The following PODXL variants were observed in gnomAD, a reference collection of about 807,000 sequenced individuals.
PODXL encodes podocalyxin.
Under a neutral mutation model 48.9 loss-of-function variants are expected in PODXL, and 20 were observed. That is an observed-to-expected ratio of 0.41 (90% CI 0.29 to 0.59). PODXL has a LOEUF of 0.59. Among genes scored for constraint, PODXL ranks in the 20% least tolerant of loss-of-function variants. The pLI, the probability that PODXL is intolerant of heterozygous loss-of-function variation, is 0.31. For synonymous variants in PODXL, 295 were observed against 287.4 expected (o/e 1.03, Z -0.27); for missense variants, 606 against 675.1 (o/e 0.90, Z 1.13).
rs1488949518 is a variant in PODXL, at chr7:131,501,510, A to AT, written c.*2800dup. On this transcript the variant is annotated 3_prime_UTR_variant, in exon 9 of 9. Coordinates refer to ENST00000378555, the MANE Select transcript of PODXL (RefSeq NM_001018111.3). ...GGTGCCTAGACTAGATTAAACCCGTATTCTGTCTTACAACGCAAAGAATAT... is the reference window on the plus strand; with the variant it reads ...GGTGCCTAGACTAGATTAAACCCGTATTTCTGTCTTACAACGCAAAGAATAT... 6.6e-6 allele frequency: 1 copy of AT among 152,470 alleles called. No individual in the cohort carries two copies. The highest frequency in any genetic ancestry group is 2.4e-5 in the African/African-American group (1 of 41,456). The allele number at this position is 152,470 out of a possible 1,614,324, so 9.4% of individuals were successfully genotyped here.
rs1322715283 is a variant in PODXL at position 131,509,393 on chromosome 7, G to A, written c.995C>T (p.Ser332Phe). 3 of 1,613,996 alleles carry A rather than the reference G, an allele frequency of 1.9e-6. No homozygotes were observed. The highest frequency in any genetic ancestry group is 4.5e-5 in the East Asian group (2 of 44,896). ...GTTACTCTCATGAGCCACAGTGGGA[G>A]AAGGTGTTTTGGGGTATCGGTGGGT... is the stretch of plus-strand genomic sequence containing the variant. The part of the protein sequence containing the change: ...STTHRYPKTP[S>F]PTVAHESNWA... Residue 332 changes from serine to phenylalanine, a missense_variant, in exon 4 of 9, where the codon TCT becomes TTT. Coordinates refer to ENST00000378555, the MANE Select transcript of PODXL (RefSeq NM_001018111.3).
intron 1 of PODXL, among the ~76,000 whole-genome samples, chr7:131,526,798 C>T (rs956558977): frequency 1.6e-5 from 2 of 125,564 alleles, no homozygotes; most frequent in Non-Finnish European, 3.1e-5. Context: ...TGCAGTGGCG[C>T]GATCTCGGCT....
intron 1 of PODXL, among the ~76,000 whole-genome samples, chr7:131,533,190 A>C (rs1798311938): frequency 6.6e-6 from 1 of 152,112 alleles, no homozygotes; most frequent in African/African-American, 2.4e-5. Flanking sequence ...CACAGACTCC[A>C]GTCATGCTCC....
intron 1 of PODXL, among the ~76,000 whole-genome samples, chr7:131,546,382 G>A (rs1053859703): frequency 1.3e-5 from 2 of 152,176 alleles, no homozygotes; most frequent in Non-Finnish European, 2.9e-5. Context: ...ACCACGTTAT[G>A]GGCTAACCAC....
Position 131,513,260 on chromosome 7 carries a change from C to T in PODXL, c.101-1827G>A, listed in dbSNP as rs1218360617. On this transcript the variant is annotated intron_variant, in intron 1 of 8. Transcript: ENST00000378555. ...ACAGTAATCCAGATGGAATGAACAG[C>T]GTTGGCCACAGGAAGCTATTGACAC... 2.0e-5 allele frequency among the ~76,000 whole-genome samples: 3 copies of T among 152,102 alleles called. No individual in the cohort carries two copies. In the East Asian group the frequency reaches 5.8e-4, roughly 29 times the overall value.
chr7:131,535,354 T>C (rs1370690616), intron 1 of PODXL, among the ~76,000 whole-genome samples: 1 of 152,138 alleles, frequency 6.6e-6, no homozygotes, highest in African/African-American at 2.4e-5. Flanking sequence ...GTAAGTCAAT[T>C]GGACCACACA....
At position 131,502,126 on chromosome 7, in the gene PODXL, TG is replaced by T. The variant is rs1295889868; in HGVS notation, c.*2184del. The stretch of plus-strand genomic sequence containing the variant: ...TATTTGCTGTCTCCGTCAAAAGCCC[TG>T]GCTGGTGAAGTGTGACCCAGGATCA... On this transcript the variant is annotated 3_prime_UTR_variant, in exon 9 of 9. Coordinates refer to ENST00000378555, the MANE Select transcript of PODXL (RefSeq NM_001018111.3). 15 of 152,240 alleles carry T rather than the reference TG, an allele frequency of 9.9e-5. No individual in the cohort carries two copies. Among genetic ancestry groups the T allele is most frequent in the Non-Finnish European group, 8.8e-5 (6 of 68,098 alleles). The allele number at this position is 152,240 out of a possible 1,614,324, so 9.4% of individuals were successfully genotyped here. A position where few individuals can be genotyped will look rare whatever the true frequency, so the allele number is the denominator to read the frequency against.
At chr7:131,512,899 G>A (rs1403069642) in intron 1 of PODXL, among the ~76,000 whole-genome samples, 1 of 151,076 alleles carries the variant, frequency 6.6e-6, no homozygotes. Flanking sequence ...GGAGGCTGAG[G>A]CAGGAGAACG....
chr7:131,506,822 T>C, intron 5 of PODXL, 96 bp from the exon 6 acceptor site: 1 of 1,369,246 alleles, frequency 7.3e-7, no homozygotes, highest in Non-Finnish European at 1.0e-6. Flanking sequence ...ACAGTGCTGT[T>C]GCTGTGCTAG....
chr7:131,513,357 A>G (rs1797946652), intron 1 of PODXL, among the ~76,000 whole-genome samples: 2 of 152,314 alleles, frequency 1.3e-5, no homozygotes, highest in South Asian at 4.1e-4. Flanking sequence ...AAGTGAGGGA[A>G]GAAGAGAATC....
intron 1 of PODXL, among the ~76,000 whole-genome samples, chr7:131,520,973 G>T (rs1244411693): frequency 6.6e-6 from 1 of 152,144 alleles, no homozygotes; most frequent in Non-Finnish European, 1.5e-5. Flanking sequence ...TTCGAGATAA[G>T]TCTGGCCAAT....
rs1297615683 is a variant in PODXL at position 131,502,926 on chromosome 7, C to T, written c.*1385G>A. ...CTCACAGAGAAGAGGAACAGCAAGGCCTAGCTCCAGGCCAGGACAGTGGGA... is the reference window on the plus strand; with the variant it reads ...CTCACAGAGAAGAGGAACAGCAAGGTCTAGCTCCAGGCCAGGACAGTGGGA... On this transcript the variant is annotated 3_prime_UTR_variant, in exon 9 of 9. Coordinates refer to ENST00000378555, the MANE Select transcript of PODXL (RefSeq NM_001018111.3). 6.5e-6 allele frequency: 1 copy of T among 152,816 alleles called. No homozygotes were observed. The highest frequency in any genetic ancestry group is 1.5e-5 in the Non-Finnish European group (1 of 68,160). 9.5% of individuals were successfully genotyped at this position (152,816 alleles called of 1,614,324 possible).
Position 131,504,753 on chromosome 7 carries a change from G to A in PODXL, c.1480-245C>T, listed in dbSNP as rs543115559. Among the ~76,000 whole-genome samples, 3 of 152,260 alleles carry A rather than the reference G, an allele frequency of 2.0e-5. No homozygotes were observed. The East Asian group carries it at 5.8e-4, about 29-fold the overall frequency. ...CAGAACCTGTGAAGTTAGTGGAGAT[G>A]GACTTTGTTCTCCAGAGTCCTCTAA... On this transcript the variant is annotated intron_variant, in intron 8 of 8. Transcript: ENST00000378555.
chr7:131,532,517 T>TTGA (rs1308676996), intron 1 of PODXL, among the ~76,000 whole-genome samples: 154 of 45,966 alleles, frequency 3.4e-3, no homozygotes, highest in Middle Eastern at 8.2e-3. Flanking sequence ...ATCTTTTTTT[T>TTGA]GGAGGGGGGG....
intron 1 of PODXL, among the ~76,000 whole-genome samples, chr7:131,553,582 T>A (rs554679637): frequency 2.0e-5 from 3 of 152,352 alleles, no homozygotes; most frequent in Non-Finnish European, 4.4e-5. Flanking sequence ...AAGGTAGGGC[T>A]GTTATTACTT....
chr7:131,512,261 C>G (rs1384239236), intron 1 of PODXL, among the ~76,000 whole-genome samples: 1 of 152,134 alleles, frequency 6.6e-6, no homozygotes, highest in Non-Finnish European at 1.5e-5. Context: ...GAACACGACA[C>G]AGAGAGTCGT....
At chr7:131,510,377 G>C (rs1021394209) in intron 2 of PODXL, 46 bp from the exon 3 acceptor site, 2 of 305,936 alleles carry the variant, frequency 6.5e-6, no homozygotes, top group Admixed American at 4.6e-5. Flanking sequence ...CTGGTGTGCT[G>C]GTGCACACCT....
chr7:131,528,768 A>C (rs1335007447), intron 1 of PODXL, among the ~76,000 whole-genome samples: 1 of 152,196 alleles, frequency 6.6e-6, no homozygotes, highest in Non-Finnish European at 1.5e-5. Flanking sequence ...TTTGCTAGGT[A>C]TGACAGCAGG....
At chr7:131,539,965 ACT>A (rs1274608356) in intron 1 of PODXL, among the ~76,000 whole-genome samples, 1 of 152,030 alleles carries the variant, frequency 6.6e-6, no homozygotes, top group Admixed American at 6.6e-5. Flanking sequence ...TATTGGCCAG[ACT>A]CTGCGCCACG....
Sources: allele counts gnomAD v4.1 joint callset (sites outside exome capture counted in the v4.1 genomes callset), GRCh38; gene constraint gnomAD v4.1.1; transcripts MANE v1.5; gene names NCBI Gene and HGNC (gene_info 2026-07-23, HGNC 2026-07-21).